Variants in UBQLN4 observed in about 807,000 individuals in gnomAD.
UBQLN4 encodes ubiquilin-4.
UBQLN4 carries 11 observed loss-of-function variants against 60.4 expected under a neutral mutation model. The observed-to-expected ratio is 0.18, with a 90% CI of 0.11 to 0.30. The LOEUF (loss-of-function observed/expected upper bound fraction) is 0.30, where lower values mean the gene tolerates loss of function less well. UBQLN4 is among the 10% of genes least tolerant of loss of function. UBQLN4 has a pLI of 1.00. For missense variants in UBQLN4, 417 were observed against 795.5 expected (o/e 0.52, Z 5.72); for synonymous variants, 258 against 313.1 (o/e 0.82, Z 1.86).
rs200121599 is a variant in UBQLN4 at position 156,051,255 on chromosome 1, C to A, written c.333G>T (p.Thr111=). Residue 111 remains threonine, a synonymous_variant, in exon 3 of 11, where the codon ACG becomes ACT. Coordinates refer to ENST00000368309, the MANE Select transcript of UBQLN4 (RefSeq NM_020131.5). ...TPDPASAPST[T]PASPATPAQP... Reference sequence around the variant, plus strand: ...GGGCAGGGGTGGCGGGTGAAGCAGGCGTGGTGGAGGGTGCTGAGGCAGGGT... The same window carrying A: ...GGGCAGGGGTGGCGGGTGAAGCAGGAGTGGTGGAGGGTGCTGAGGCAGGGT... 3 of 1,585,938 alleles carry A rather than the reference C, an allele frequency of 1.9e-6. No individual in the cohort carries two copies. The highest frequency in any genetic ancestry group is 2.3e-5 in the East Asian group (1 of 43,544).
chr1:156,048,383 G>A lies in UBQLN4; in HGVS notation c.900+118C>T. 1 of 1,263,160 alleles carries A rather than the reference G, an allele frequency of 7.9e-7. No homozygotes were observed. The highest frequency in any genetic ancestry group is 1.5e-5 in the African/African-American group (1 of 66,636). 78.2% of individuals were successfully genotyped at this position (1,263,160 alleles called of 1,614,324 possible). ...CTGTTGAGAACTGCCTTCAAGCCAA[G>A]GCCCACCCCTCAGGGGACTGGGGAA... On this transcript the variant is annotated intron_variant, in intron 5 of 10. Coordinates refer to ENST00000368309, the MANE Select transcript of UBQLN4 (RefSeq NM_020131.5). The surrounding 1 kb of genome is among the most constrained non-coding windows in gnomAD (Gnocchi z 4.9).
intron 4 of UBQLN4, among the ~76,000 whole-genome samples, chr1:156,049,501 C>T (rs1203356992): frequency 6.6e-6 from 1 of 152,070 alleles, no homozygotes; most frequent in Non-Finnish European, 1.5e-5. Flanking sequence ...GAATACCTTC[C>T]CTCTCCTTCC....
At chr1:156,038,470 G>T (rs1683462949) in intron 10 of UBQLN4, among the ~76,000 whole-genome samples, 1 of 151,924 alleles carries the variant, frequency 6.6e-6, no homozygotes, top group Admixed American at 6.6e-5. Context: ...GACCAGACTG[G>T]CCAACATGGC....
At chr1:156,043,001 A>T in intron 6 of UBQLN4, 88 bp from the exon 7 acceptor site, 1 of 1,497,422 alleles carries the variant, frequency 6.7e-7, no homozygotes, top group Non-Finnish European at 9.0e-7. Flanking sequence ...TACTTCAGAC[A>T]CCGAATGACT....
chr1:156,040,695 G>A (rs893155158), intron 10 of UBQLN4, among the ~76,000 whole-genome samples: 5 of 151,658 alleles, frequency 3.3e-5, no homozygotes, highest in South Asian at 2.1e-4. Flanking sequence ...CTCGTGATCC[G>A]CCCGCCTCAG....
Position 156,053,779 on chromosome 1 carries a change from C to T in UBQLN4, c.-78G>A. ...CGCCCGCCCGGCCGGCCCGGCTCGG[C>T]TTCTGCGCCTCCAACACTCCCCTCT... is the stretch of plus-strand genomic sequence containing the variant. On this transcript the variant is annotated 5_prime_UTR_variant, in exon 1 of 11. Coordinates refer to ENST00000368309, the MANE Select transcript of UBQLN4 (RefSeq NM_020131.5). 2 of 859,242 alleles carry T rather than the reference C, an allele frequency of 2.3e-6. No homozygotes were observed. The highest frequency in any genetic ancestry group is 3.1e-6 in the Non-Finnish European group (2 of 646,976). The allele number at this position is 859,242 out of a possible 1,614,324, so 53.2% of individuals were successfully genotyped here. A position where few individuals can be genotyped will look rare whatever the true frequency, so the allele number is the denominator to read the frequency against.
At chr1:156,032,420 A>C (rs1683312821), downstream of UBQLN4, among the ~76,000 whole-genome samples, 1 of 151,386 alleles carries the variant, frequency 6.6e-6, no homozygotes, top group African/African-American at 2.4e-5. Flanking sequence ...GCGAGGCAGG[A>C]GAATCACTTG....
intron 5 of UBQLN4, among the ~76,000 whole-genome samples, chr1:156,045,212 G>A (rs186227242): frequency 6.6e-6 from 1 of 152,124 alleles, no homozygotes; most frequent in African/African-American, 2.4e-5. Context: ...CCTGTTCATT[G>A]AAAGTGGGTC....
At position 156,050,468 on chromosome 1, in the gene UBQLN4, C is replaced by T. The variant is rs1270457237; in HGVS notation, c.564G>A (p.Gln188=). The change falls in exon 4 of 11, where the codon CAG becomes CAA. Residue 188 remains glutamine, a synonymous_variant. Coordinates refer to ENST00000368309, the MANE Select transcript of UBQLN4 (RefSeq NM_020131.5). The surrounding 1 kb of genome is among the most constrained non-coding windows in gnomAD (Gnocchi z 4.6). ...ACAGCATCTCAGGATTGGACATCAGCTGCCGCTGCATCTGCTGCTGCAGCT... is the reference window on the plus strand; with the variant it reads ...ACAGCATCTCAGGATTGGACATCAGTTGCCGCTGCATCTGCTGCTGCAGCT... ...FMELQQQMQR[Q]LMSNPEMLSQ... 6.2e-6 allele frequency: 10 copies of T among 1,613,770 alleles called. No homozygotes were observed. The highest frequency in any genetic ancestry group is 6.8e-6 in the Non-Finnish European group (8 of 1,180,036).
rs556866706 is a variant in UBQLN4, at chr1:156,050,688, G to A, written c.479-135C>T. 5.2e-5 allele frequency: 70 copies of A among 1,351,242 alleles called. No individual in the cohort carries two copies. In the Middle Eastern group the frequency reaches 8.0e-4, roughly 15 times the overall value. The allele number at this position is 1,351,242 out of a possible 1,614,324, so 83.7% of individuals were successfully genotyped here. The stretch of plus-strand genomic sequence containing the variant: ...CCTCTTCCTGTCATTCCCACAGCCC[G>A]GCCCTGATCCACTGCTGGCAAAAAA... On this transcript the variant is annotated intron_variant, in intron 3 of 10. Transcript: ENST00000368309. The surrounding 1 kb of genome is among the most constrained non-coding windows in gnomAD (Gnocchi z 4.6).
chr1:156,039,712 T>G (rs1572270015), intron 10 of UBQLN4, among the ~76,000 whole-genome samples: 1 of 146,354 alleles, frequency 6.8e-6, no homozygotes, highest in Non-Finnish European at 1.5e-5. Context: ...CCGAGGCAGG[T>G]GGATCACGAG....
chr1:156,053,365 C>T (rs563577858), intron 1 of UBQLN4, among the ~76,000 whole-genome samples: 1 of 152,176 alleles, frequency 6.6e-6, no homozygotes, highest in South Asian at 2.1e-4. Flanking sequence ...TCCACCACGC[C>T]CCCAGGCCAC....
Position 156,041,967 on chromosome 1 carries a change from G to A in UBQLN4, c.1371C>T (p.Leu457=). 1.9e-6 allele frequency: 3 copies of A among 1,614,132 alleles called. No homozygotes were observed. The highest frequency in any genetic ancestry group is 2.5e-6 in the Non-Finnish European group (3 of 1,180,012). Residue 457 remains leucine (L), a synonymous_variant, in exon 9 of 11, where the codon CTC becomes CTT. Transcript: ENST00000368309. ...TGGCTCGGGGATTGGTAAGGATGGAGAGTGACTCTGGGTTCTGCATCTGGT... is the reference window on the plus strand; with the variant it reads ...TGGCTCGGGGATTGGTAAGGATGGAAAGTGACTCTGGGTTCTGCATCTGGT... The part of the protein sequence containing the change: ...FLQQMQNPES[L]SILTNPRAMQ...
intron 5 of UBQLN4, among the ~76,000 whole-genome samples, chr1:156,046,600 T>G (rs920789149): frequency 6.7e-6 from 1 of 148,860 alleles, no homozygotes; most frequent in Admixed American, 6.7e-5. Context: ...CCCAGCACTT[T>G]GGGAGGCCGA....
chr1:156,046,545 TA>T (rs59598606), intron 5 of UBQLN4, among the ~76,000 whole-genome samples: 408 of 129,466 alleles, frequency 3.2e-3, no homozygotes, highest in Non-Finnish European at 3.2e-3. Flanking sequence ...AAGGTTGTAT[TA>T]AAAAAAAAAA....
chr1:156,050,601 C>CATA lies in UBQLN4; in HGVS notation c.479-49_479-48insTAT. ...CAGTCTGCCACAAGAACAGTGTCCT[C>CATA]ACTTAGCCAGAGCCACTGAATTCAG... is the stretch of plus-strand genomic sequence containing the variant. On this transcript the variant is annotated intron_variant, in intron 3 of 10. Coordinates refer to ENST00000368309, the MANE Select transcript of UBQLN4 (RefSeq NM_020131.5). This position sits in a 1 kb window ranked among gnomAD's most constrained non-coding sequence, Gnocchi z 4.6. 6.5e-7 allele frequency: 1 copy of CATA among 1,549,618 alleles called. No individual in the cohort carries two copies.
At chr1:156,047,970 T>C (rs144027081) in intron 5 of UBQLN4, among the ~76,000 whole-genome samples, 6 of 151,852 alleles carry the variant, frequency 4.0e-5, no homozygotes, top group African/African-American at 1.2e-4. Flanking sequence ...TAGGGCAACA[T>C]TGATTAAAAA....
chr1:156,034,296 C>CT (rs59303673), downstream of UBQLN4, among the ~76,000 whole-genome samples: 6,424 of 123,300 alleles, frequency 0.052, 586 homozygotes, highest in African/African-American at 0.16. Flanking sequence ...TTTTGTTTTA[C>CT]TTTTTTTTTT....
chr1:156,048,759 G>T lies in UBQLN4; in HGVS notation c.742-100C>A. On this transcript the variant is annotated intron_variant, in intron 4 of 10. Coordinates refer to ENST00000368309, the MANE Select transcript of UBQLN4 (RefSeq NM_020131.5). This position sits in a 1 kb window ranked among gnomAD's most constrained non-coding sequence, Gnocchi z 4.9. ...GAAGGGGGGTCTGTATCAGGATCAGGACCAGGGCCCAGGAACTGCCCCACA... is the reference window on the plus strand; with the variant it reads ...GAAGGGGGGTCTGTATCAGGATCAGTACCAGGGCCCAGGAACTGCCCCACA... The T allele has an allele frequency of 1.5e-6, 2 of 1,349,966 alleles. No individual in the cohort carries two copies. The highest frequency in any genetic ancestry group is 1.4e-5 in the South Asian group (1 of 71,626). The allele number at this position is 1,349,966 out of a possible 1,614,324, so 83.6% of individuals were successfully genotyped here.
Sources: allele counts gnomAD v4.1 joint callset (sites outside exome capture counted in the v4.1 genomes callset), GRCh38; gene constraint gnomAD v4.1.1; non-coding constraint Gnocchi (gnomAD v3.1); transcripts MANE v1.5; gene names NCBI Gene and HGNC (gene_info 2026-07-23, HGNC 2026-07-21).